Variants in CCSER1 observed in about 807,000 individuals in gnomAD.
CCSER1 encodes serine-rich coiled-coil domain-containing protein 1.
In CCSER1, 41 loss-of-function variants were observed where a neutral mutation model predicts 82.0. That is an observed-to-expected ratio of 0.50 (90% CI 0.39 to 0.65). The LOEUF (loss-of-function observed/expected upper bound fraction) is 0.65, where lower values mean the gene tolerates loss of function less well. Among genes scored for constraint, CCSER1 ranks in the 30% least tolerant of loss-of-function variants. The pLI, the probability that CCSER1 is intolerant of heterozygous loss-of-function variation, is 0.00. For missense variants in CCSER1, 1,119 were observed against 1,064.2 expected, an observed-to-expected ratio of 1.05 and a Z score of -0.72; for synonymous variants, 414 against 383.9, an observed-to-expected ratio of 1.08 and a Z score of -0.92.
At chr4:91,305,535 A>C (rs1744990391) in intron 10 of CCSER1, among the ~76,000 whole-genome samples, 1 of 152,100 alleles carries the variant, frequency 6.6e-6, no homozygotes, top group African/African-American at 2.4e-5. Flanking sequence ...GACATTGTGT[A>C]AAATACTTCC....
intron 5 of CCSER1, among the ~76,000 whole-genome samples, chr4:90,579,555 T>G (rs4411946): frequency 6.6e-6 from 1 of 152,176 alleles, no homozygotes; most frequent in East Asian, 1.9e-4. Flanking sequence ...ATCCATCTGC[T>G]TATATATAAT....
chr4:91,354,005 ACTC>A (rs1441471439), intron 10 of CCSER1, among the ~76,000 whole-genome samples: 3 of 151,604 alleles, frequency 2.0e-5, no homozygotes, highest in African/African-American at 7.3e-5. Flanking sequence ...TTTTTCACAA[ACTC>A]CTCCTTCAGC....
At chr4:90,332,470 A>G (rs903466755) in intron 3 of CCSER1, among the ~76,000 whole-genome samples, 1 of 152,148 alleles carries the variant, frequency 6.6e-6, no homozygotes, top group Non-Finnish European at 1.5e-5. Context: ...TCCTGAACTC[A>G]GGTGATCCAC....
chr4:90,603,858 C>G (rs1403303990), intron 5 of CCSER1, among the ~76,000 whole-genome samples: 1 of 152,140 alleles, frequency 6.6e-6, no homozygotes, highest in Non-Finnish European at 1.5e-5. Flanking sequence ...GTACTCAAGT[C>G]TCCTTCATGG....
chr4:91,365,756 T>G (rs1158278799), intron 10 of CCSER1, among the ~76,000 whole-genome samples: 3 of 152,166 alleles, frequency 2.0e-5, no homozygotes, highest in Non-Finnish European at 4.4e-5. Context: ...TGAAGTGGCG[T>G]GGTCAGAGGG....
At chr4:91,004,845 TAA>T (rs538478806) in intron 9 of CCSER1, among the ~76,000 whole-genome samples, 357 of 152,362 alleles carry the variant, frequency 2.3e-3, no homozygotes, top group African/African-American at 7.4e-3. Flanking sequence ...TATCTAGTGA[TAA>T]GTGTGATTTC....
intron 6 of CCSER1, among the ~76,000 whole-genome samples, chr4:90,648,266 AAGAG>A (rs1252409011): frequency 3.4e-5 from 5 of 144,946 alleles, no homozygotes; most frequent in African/African-American, 1.0e-4. Flanking sequence ...AGAAGAAAGA[AAGAG>A]AGAGAGAAAG....
intron 8 of CCSER1, among the ~76,000 whole-genome samples, chr4:90,867,376 A>C (rs996294900): frequency 6.6e-6 from 1 of 152,120 alleles, no homozygotes; most frequent in Non-Finnish European, 1.5e-5. Context: ...AATTTAATAG[A>C]GAAACATGCT....
rs1561486682 is a variant in CCSER1 at position 91,031,989 on chromosome 4, CATAA to C, written c.2173-53957_2173-53954del. Among the ~76,000 whole-genome samples the C allele has an allele frequency of 6.6e-5, 10 of 152,074 alleles. 1 individual carries two copies. In the South Asian group the frequency reaches 2.1e-3, roughly 32 times the overall value. ...TAAGTAACAGTGATTACTTCTGAGT[CATAA>C]ATATTTTAAAAGCTATTTTGTCACT... On this transcript the variant is annotated intron_variant, in intron 9 of 10. Transcript: ENST00000509176.
intron 5 of CCSER1, among the ~76,000 whole-genome samples, chr4:90,542,231 A>G (rs1436374030): frequency 1.3e-5 from 2 of 152,112 alleles, no homozygotes; most frequent in South Asian, 2.1e-4. Flanking sequence ...AGAAACAGTC[A>G]TCAAAATGAC....
chr4:91,314,953 G>A (rs1422622864), intron 10 of CCSER1, among the ~76,000 whole-genome samples: 4 of 151,954 alleles, frequency 2.6e-5, no homozygotes. Flanking sequence ...GAAAGTGAGA[G>A]AGTGAGAAAG....
At chr4:90,619,837 A>C (rs936963345) in intron 5 of CCSER1, among the ~76,000 whole-genome samples, 1 of 152,076 alleles carries the variant, frequency 6.6e-6, no homozygotes, top group African/African-American at 2.4e-5. Flanking sequence ...TACATTCATT[A>C]ATTCTGATTC....
intron 7 of CCSER1, among the ~76,000 whole-genome samples, chr4:90,778,776 A>AC (rs1297136659): frequency 2.6e-5 from 3 of 115,582 alleles, no homozygotes; most frequent in African/African-American, 1.3e-4. Flanking sequence ...TTGTTGGTTG[A>AC]CTTAAAAAAA....
At chr4:90,673,044 A>T (rs1383324327) in intron 6 of CCSER1, among the ~76,000 whole-genome samples, 3 of 152,016 alleles carry the variant, frequency 2.0e-5, no homozygotes, top group Non-Finnish European at 4.4e-5. Context: ...TATTATGAGA[A>T]TTACCAAAAT....
intron 10 of CCSER1, among the ~76,000 whole-genome samples, chr4:91,337,544 A>T (rs532071621): frequency 1.5e-4 from 23 of 152,198 alleles, no homozygotes; most frequent in African/African-American, 5.5e-4. Context: ...CAGCTTCTTT[A>T]CGTAACCCTT....
chr4:90,494,218 T>A (rs1768589606), intron 5 of CCSER1, among the ~76,000 whole-genome samples: 1 of 152,170 alleles, frequency 6.6e-6, no homozygotes, highest in Non-Finnish European at 1.5e-5. Context: ...GAGCTAACTA[T>A]CCTAAATATA....
intron 8 of CCSER1, among the ~76,000 whole-genome samples, chr4:90,893,305 G>A (rs1311366980): frequency 6.6e-6 from 1 of 152,018 alleles, no homozygotes; most frequent in Non-Finnish European, 1.5e-5. Context: ...GAGAATGTAA[G>A]GAAAGGACAG....
intron 8 of CCSER1, among the ~76,000 whole-genome samples, chr4:90,835,904 T>G (rs1169601511): frequency 2.6e-5 from 4 of 152,224 alleles, no homozygotes; most frequent in Non-Finnish European, 2.9e-5. Context: ...TAATACTGCG[T>G]GTTTGCTCAT....
chr4:91,166,187 T>C (rs1038319432), intron 10 of CCSER1, among the ~76,000 whole-genome samples: 1 of 152,244 alleles, frequency 6.6e-6, no homozygotes, highest in Non-Finnish European at 1.5e-5. Context: ...TGGTTGTATC[T>C]AATTGATAAA....
Sources: allele counts gnomAD v4.1 joint callset (sites outside exome capture counted in the v4.1 genomes callset), GRCh38; gene constraint gnomAD v4.1.1; transcripts MANE v1.5; gene names NCBI Gene and HGNC (gene_info 2026-07-23, HGNC 2026-07-21).